The following PRELID2 variants were observed in gnomAD, a reference collection of about 807,000 sequenced individuals.
PRELID2 encodes PRELI domain-containing protein 2.
In PRELID2, 25 loss-of-function variants were observed where a neutral mutation model predicts 28.4. That is an observed-to-expected ratio of 0.88 (90% CI 0.64 to 1.23). PRELID2 has a LOEUF of 1.23. Among genes scored for constraint, PRELID2 ranks in the 50% most tolerant of loss-of-function variants. PRELID2 has a pLI of 0.00. For missense variants in PRELID2, 201 were observed against 214.4 expected (o/e 0.94, Z 0.39); for synonymous variants, 76 against 71.6 (o/e 1.06, Z -0.31).
At chr5:145,348,528 C>G in the PRELID2 span, among the ~76,000 whole-genome samples, 1 of 152,102 alleles carries the variant, frequency 6.6e-6, no homozygotes, top group South Asian at 2.1e-4. Flanking sequence ...GCCATTGTCT[C>G]TCACTTAAAT....
At chr5:145,416,913 A>G in the PRELID2 span, among the ~76,000 whole-genome samples, 4 of 152,050 alleles carry the variant, frequency 2.6e-5, no homozygotes, top group African/African-American at 9.7e-5. Flanking sequence ...CCTTCTGCCT[A>G]TGAGCCCATA....
chr5:145,339,907 C>G, the PRELID2 span, among the ~76,000 whole-genome samples: 2 of 152,300 alleles, frequency 1.3e-5, no homozygotes, highest in South Asian at 4.1e-4. Context: ...AGGCTAGATA[C>G]TCCCACACAT....
intron 4 of PRELID2, among the ~76,000 whole-genome samples, chr5:145,816,114 G>C: frequency 8.4e-6 from 1 of 118,702 alleles, no homozygotes. Flanking sequence ...AGACAGTCTC[G>C]CTCTGTTGCC....
intron 1 of PRELID2, among the ~76,000 whole-genome samples, chr5:145,569,329 A>T (rs967542211): frequency 6.6e-6 from 1 of 152,148 alleles, no homozygotes; most frequent in Non-Finnish European, 1.5e-5. Context: ...CTAAACTTAA[A>T]CTATTTTTAA....
chr5:145,391,894 A>C, the PRELID2 span, among the ~76,000 whole-genome samples: 1 of 152,274 alleles, frequency 6.6e-6, no homozygotes, highest in East Asian at 1.9e-4. Flanking sequence ...TCTTTGCTCA[A>C]GTTCCCAAGA....
At position 145,477,239 on chromosome 5, in the gene PRELID2, G is replaced by A. The variant is rs527755431; in HGVS notation, n.71-3924C>T. 9.9e-5 allele frequency among the ~76,000 whole-genome samples: 15 copies of A among 152,216 alleles called. No individual in the cohort carries two copies. In the South Asian group the frequency reaches 2.1e-3, roughly 21 times the overall value. On this transcript the variant is annotated intron_variant and non_coding_transcript_variant, in intron 1 of 2. Transcript: ENST00000510259. ...GCACTTCAGGTACAGCTGGATCCAG[G>A]AGCACAAAAGGCTTTTTCTCAAAGC...
chr5:145,575,513 A>T (rs1401014307), intron 1 of PRELID2, among the ~76,000 whole-genome samples: 1 of 152,206 alleles, frequency 6.6e-6, no homozygotes, highest in Non-Finnish European at 1.5e-5. Context: ...AGCAGAAATT[A>T]GAATGTAAAG....
intron 1 of PRELID2, among the ~76,000 whole-genome samples, chr5:145,712,727 T>C (rs1000224935): frequency 2.6e-5 from 4 of 152,170 alleles, no homozygotes; most frequent in Admixed American, 1.3e-4. Context: ...ATGGCTCACA[T>C]GTTGAAAATA....
At chr5:145,648,786 C>A (rs1156705621) in intron 1 of PRELID2, among the ~76,000 whole-genome samples, 1 of 149,464 alleles carries the variant, frequency 6.7e-6, no homozygotes, top group East Asian at 1.9e-4. Context: ...TATAAATAAT[C>A]ATATACATAT....
At chr5:145,386,508 T>C in the PRELID2 span, among the ~76,000 whole-genome samples, 2 of 152,072 alleles carry the variant, frequency 1.3e-5, no homozygotes, top group Non-Finnish European at 2.9e-5. Flanking sequence ...ATGTAAGACA[T>C]GCCCCTTCCC....
chr5:145,616,927 C>A (rs1753706082), intron 1 of PRELID2, among the ~76,000 whole-genome samples: 1 of 151,952 alleles, frequency 6.6e-6, no homozygotes, highest in Admixed American at 6.5e-5. Flanking sequence ...AAAAGACGGC[C>A]ACCCCCCGAA....
chr5:145,454,926 G>A, the PRELID2 span, among the ~76,000 whole-genome samples: 2 of 152,104 alleles, frequency 1.3e-5, no homozygotes, highest in Admixed American at 6.6e-5. Flanking sequence ...CCATTCTGTA[G>A]GTTGCCTGTT....
chr5:145,537,958 T>A (rs976529293), intron 1 of PRELID2, among the ~76,000 whole-genome samples: 4 of 151,960 alleles, frequency 2.6e-5, no homozygotes, highest in African/African-American at 9.7e-5. Context: ...TTCCAGGAAT[T>A]TTATAGTTTC....
At chr5:145,391,440 G>A in the PRELID2 span, among the ~76,000 whole-genome samples, 1 of 152,216 alleles carries the variant, frequency 6.6e-6, no homozygotes, top group African/African-American at 2.4e-5. Flanking sequence ...GGGCTGCATA[G>A]AGCAGAGAGG....
chr5:145,500,898 C>T (rs948676615), intron 1 of PRELID2, among the ~76,000 whole-genome samples: 4 of 152,126 alleles, frequency 2.6e-5, no homozygotes, highest in African/African-American at 4.8e-5. Flanking sequence ...TTGGGTCATT[C>T]GCTCAAGTTA....
the PRELID2 span, among the ~76,000 whole-genome samples, chr5:145,330,018 A>G: frequency 2.0e-5 from 3 of 152,206 alleles, no homozygotes; most frequent in African/African-American, 2.4e-5. Flanking sequence ...CCTTTTCTGC[A>G]TCTATTGAGA....
At chr5:145,694,816 AAG>A (rs1348561980) in intron 1 of PRELID2, among the ~76,000 whole-genome samples, 1 of 152,186 alleles carries the variant, frequency 6.6e-6, no homozygotes, top group African/African-American at 2.4e-5. Context: ...AAAAAAAGGA[AAG>A]AGTGGCAGGA....
chr5:145,554,115 G>A (rs1194347204), intron 1 of PRELID2, among the ~76,000 whole-genome samples: 1 of 152,220 alleles, frequency 6.6e-6, no homozygotes, highest in African/African-American at 2.4e-5. Context: ...TTGGAAAAAT[G>A]AGTTCAAGAG....
chr5:145,334,149 G>C, the PRELID2 span, among the ~76,000 whole-genome samples: 1 of 152,120 alleles, frequency 6.6e-6, no homozygotes, highest in African/African-American at 2.4e-5. Flanking sequence ...ACCTCAGCTG[G>C]AAATGCAGAA....
Sources: allele counts gnomAD v4.1 joint callset (sites outside exome capture counted in the v4.1 genomes callset), GRCh38; gene constraint gnomAD v4.1.1; transcripts MANE v1.5; gene names NCBI Gene and HGNC (gene_info 2026-07-23, HGNC 2026-07-21).